The following CYP11B2 variants were observed in gnomAD, a reference collection of about 807,000 sequenced individuals.
CYP11B2 encodes the protein cytochrome P450 11B2, mitochondrial.
Under a neutral mutation model 49.3 loss-of-function variants are expected in CYP11B2, and 38 were observed. The observed-to-expected ratio is 0.77, with a 90% CI of 0.59 to 1.01. The LOEUF is 1.01. Among genes scored for constraint, CYP11B2 ranks in the 50% least tolerant of loss-of-function variants. CYP11B2 has a pLI of 0.00. For missense variants in CYP11B2, 669 were observed against 655.5 expected, an observed-to-expected ratio of 1.02 and a Z score of -0.23; for synonymous variants, 290 against 269.3, an observed-to-expected ratio of 1.08 and a Z score of -0.75.
Position 142,912,704 on chromosome 8 carries a change from G to A in CYP11B2, c.1224C>T (p.Tyr408=). ...ACAAGGCGGCATTGCGACCCAGCGA[G>A]TAGAGGAAAACCTGTACCAATGTCT... is the stretch of plus-strand genomic sequence containing the variant. The part of the protein sequence containing the change: ...PAGTLVQVFL[Y]SLGRNAALFP... The change falls in exon 8 of 9, where the codon TAC becomes TAT. Residue 408 remains tyrosine, a synonymous_variant. Transcript: ENST00000323110. 1 of 1,614,092 alleles carries A rather than the reference G, an allele frequency of 6.2e-7. No individual in the cohort carries two copies. Among genetic ancestry groups the A allele is most frequent in the Non-Finnish European group, 8.5e-7 (1 of 1,179,964 alleles).
At position 142,911,921 on chromosome 8, in the gene CYP11B2, CT is replaced by C. The variant is rs1246863389; in HGVS notation, c.*58del. 2.9e-5 allele frequency: 46 copies of C among 1,612,324 alleles called. No individual in the cohort carries two copies. The highest frequency in any genetic ancestry group is 3.6e-5 in the Non-Finnish European group (43 of 1,179,182). On this transcript the variant is annotated 3_prime_UTR_variant, in exon 9 of 9. Coordinates refer to ENST00000323110, the MANE Select transcript of CYP11B2 (RefSeq NM_000498.3). ...GCACGTGGGAGAGAAGACAGGTGGC[CT>C]GGGGTCAGGCAGAGGGAAGCTGGTG...
rs1394287094 is a variant in CYP11B2 at position 142,912,059 on chromosome 8, T to A, written c.1433A>T (p.Gln478Leu). Residue 478 changes from glutamine (Q) to leucine (L), a missense_variant, in exon 9 of 9, where the codon CAA (glutamine) becomes CTA (leucine). Gln to Leu is a moderately radical substitution (Grantham distance 113). Transcript: ENST00000323110. The stretch of plus-strand genomic sequence containing the variant: ...GCTGTAGACCATCTTTATGTCCTCT[T>A]GAGTTAGTGTCTCCACCAGGAAGTG... ...LKHFLVETLT[Q>L]EDIKMVYSFI... 1 of 1,614,004 alleles carries A rather than the reference T, an allele frequency of 6.2e-7. No individual in the cohort carries two copies. The highest frequency in any genetic ancestry group is 8.5e-7 in the Non-Finnish European group (1 of 1,179,952).
At chr8:142,917,337 TA>T in intron 1 of CYP11B2, 123 bp from the exon 2 acceptor site, 1 of 1,412,654 alleles carries the variant, frequency 7.1e-7, no homozygotes. Flanking sequence ...GCTTCACAGC[TA>T]AAGCCCTCCT....
intron 2 of CYP11B2, chr8:142,916,333 C>G (rs574671469): frequency 4.5e-6 from 2 of 446,500 alleles, no homozygotes; most frequent in Non-Finnish European, 9.0e-6. Flanking sequence ...ATAGCGTTCC[C>G]TTCCTACCAT....
chr8:142,917,468 A>C, intron 1 of CYP11B2, 134 bp downstream of exon 1: 1 of 1,611,588 alleles, frequency 6.2e-7, no homozygotes, highest in Non-Finnish European at 8.5e-7. Flanking sequence ...CATGTGCTGC[A>C]CTCCTTCCCC....
At chr8:142,917,021 C>T (rs2130334797) in intron 2 of CYP11B2, 38 bp downstream of exon 2, 1 of 1,612,284 alleles carries the variant, frequency 6.2e-7, no homozygotes. Context: ...AGGCTGCCCA[C>T]CCTGCTCCCA....
rs1481384879 is a variant in CYP11B2, at chr8:142,915,767, C to G, written c.396-522G>C. Among the ~76,000 whole-genome samples the G allele has an allele frequency of 2.7e-5, 4 of 145,546 alleles. No homozygotes were observed. The Admixed American group carries it at 2.8e-4, about 10-fold the overall frequency. On this transcript the variant is annotated intron_variant, in intron 2 of 8. Transcript: ENST00000323110. The stretch of plus-strand genomic sequence containing the variant: ...TATCTTCTGCAGGACAGAAACCAAG[C>G]TTTGTGCTTCATGCCATCCTCACCC...
rs1817618076 is a variant in CYP11B2 at position 142,915,068 on chromosome 8, G to A, written c.573C>T (p.Ser191=). The A allele has an allele frequency of 6.2e-7, 1 of 1,613,860 alleles. No homozygotes were observed. The highest frequency in any genetic ancestry group is 8.5e-7 in the Non-Finnish European group (1 of 1,179,946). ...RGSLTLDVQP[S]IFHYTIEASN... ...CACCTTCTATGGTGTAGTGGAAGAT[G>A]CTGGGCTGGACGTCCAGGGTCAGGC... Residue 191 remains serine (S), a synonymous_variant, in exon 3 of 9, where the codon AGC becomes AGT. Coordinates refer to ENST00000323110, the MANE Select transcript of CYP11B2 (RefSeq NM_000498.3).
chr8:142,914,966 C>T (rs1276542232), intron 3 of CYP11B2, 58 bp from the exon 4 acceptor site: 31 of 1,610,152 alleles, frequency 1.9e-5, no homozygotes, highest in South Asian at 5.5e-5. Context: ...GGCTGCCTCC[C>T]CACACTCCCT....
Position 142,914,687 on chromosome 8 carries a change from C to G in CYP11B2, c.799+18G>C, listed in dbSNP as rs1182806519. ...TGGTGTCCCTTCCCCATAGCACTGCCCGGGTCCCTGGCCTCACCGTACTGG... is the reference window on the plus strand; with the variant it reads ...TGGTGTCCCTTCCCCATAGCACTGCGCGGGTCCCTGGCCTCACCGTACTGG... On this transcript the variant is annotated intron_variant, in intron 4 of 8. Coordinates refer to ENST00000323110, the MANE Select transcript of CYP11B2 (RefSeq NM_000498.3). 1.3e-6 allele frequency: 2 copies of G among 1,578,006 alleles called. No individual in the cohort carries two copies. The highest frequency in any genetic ancestry group is 1.7e-6 in the Non-Finnish European group (2 of 1,162,614).
Position 142,914,277 on chromosome 8 carries a change from C to T in CYP11B2, c.941G>A (p.Gly314Glu), listed in dbSNP as rs758738493. ...TGCTGGCCTGACCGTGTCCACGCTC[C>T]CTGCAGTGAGTTCCATAGAGTTGGC... is the stretch of plus-strand genomic sequence containing the variant. ...IKANSMELTA[G>E]SVDTTAFPLL... The change falls in exon 5 of 9, where the codon GGG becomes GAG. Residue 314 changes from glycine to glutamate, a missense_variant. Gly to Glu is a moderately conservative substitution (Grantham distance 98, BLOSUM62 -2). Coordinates refer to ENST00000323110, the MANE Select transcript of CYP11B2 (RefSeq NM_000498.3). The T allele has an allele frequency of 6.2e-7, 1 of 1,614,180 alleles. No individual in the cohort carries two copies. Among genetic ancestry groups the T allele is most frequent in the South Asian group, 1.1e-5 (1 of 91,086 alleles).
In CYP11B2 at chr8:142,914,881, C is replaced by T. The variant is rs749800670; in HGVS notation, c.623G>A (p.Arg208Gln). 2.0e-5 allele frequency: 32 copies of T among 1,613,806 alleles called. No homozygotes were observed. The highest frequency in any genetic ancestry group is 1.3e-4 in the East Asian group (6 of 44,864). Residue 208 changes from arginine to glutamine, a missense_variant, in exon 4 of 9, where the codon CGG (arginine) becomes CAG (glutamine). Transcript: ENST00000323110. ...EASNLALFGERLGLVGHSPSS... is the reference protein window; with the variant it reads ...EASNLALFGEQLGLVGHSPSS... ...GGGGCTGTGGCCAACCAGGCCCAGCCGCTCTCCAAAAAGAGCTAAGTTGCT... is the reference window on the plus strand; with the variant it reads ...GGGGCTGTGGCCAACCAGGCCCAGCTGCTCTCCAAAAAGAGCTAAGTTGCT...
chr8:142,914,196 T>A, intron 5 of CYP11B2, 68 bp downstream of exon 5: 4 of 1,586,622 alleles, frequency 2.5e-6, no homozygotes, highest in South Asian at 1.1e-5. Flanking sequence ...CGTGTGGCAT[T>A]GGCAGGCAGT....
In CYP11B2 at chr8:142,913,224, C is replaced by A. The variant is rs1188201724; in HGVS notation, c.1121+61G>T. On this transcript the variant is annotated intron_variant, in intron 6 of 8. Transcript: ENST00000323110. ...GCCCCAGATTCTGTCTGCCACCACC[C>A]AGTGGGGGCTGCTCTCCAGCAGGGG... 51 of 1,563,744 alleles carry A rather than the reference C, an allele frequency of 3.3e-5. 1 individual carries two copies. In the South Asian group the frequency reaches 5.1e-4, roughly 16 times the overall value.
Position 142,912,179 on chromosome 8 carries a change from A to G in CYP11B2, c.1399-86T>C, listed in dbSNP as rs796187038. 6.3e-6 allele frequency: 10 copies of G among 1,594,728 alleles called. No homozygotes were observed. In the African/African-American group the frequency reaches 6.7e-5, roughly 11 times the overall value. ...TCCTCCCATCGTCCCAGGTGCAACA[A>G]TTATGCTGAAGGGGGAGCAGCAGCC... On this transcript the variant is annotated intron_variant, in intron 8 of 8. Coordinates refer to ENST00000323110, the MANE Select transcript of CYP11B2 (RefSeq NM_000498.3).
In CYP11B2 at chr8:142,912,579, C is replaced by T; in HGVS notation, c.1349G>A (p.Cys450Tyr). ...TGCCTCTGCCAGGCGCCGCCCGAGGCACTGGCGCATGCCAAAGCCAAAGGG... is the reference window on the plus strand; with the variant it reads ...TGCCTCTGCCAGGCGCCGCCCGAGGTACTGGCGCATGCCAAAGCCAAAGGG... ...HVPFGFGMRQ[C>Y]LGRRLAEAEM... Residue 450 changes from cysteine (C) to tyrosine (Y), a missense_variant, in exon 8 of 9, where the codon TGC becomes TAC. Transcript: ENST00000323110. 6.2e-7 allele frequency: 1 copy of T among 1,614,154 alleles called. No homozygotes were observed.
Position 142,910,853 on chromosome 8 carries a change from A to G in CYP11B2, c.*1127T>C, listed in dbSNP as rs1817520606. The G allele has an allele frequency of 1.3e-5, 2 of 152,230 alleles. No homozygotes were observed. The highest frequency in any genetic ancestry group is 4.1e-4 in the South Asian group (2 of 4,828). The allele number at this position is 152,230 out of a possible 1,614,324, so 9.4% of individuals were successfully genotyped here. A position where few individuals can be genotyped will look rare whatever the true frequency, so the allele number is the denominator to read the frequency against. Reference sequence around the variant, plus strand: ...AACGCTCTGATCCTCATCAGCTACCAGGAGCTGGCTGCTGAGATCTTTGCC... The same window carrying G: ...AACGCTCTGATCCTCATCAGCTACCGGGAGCTGGCTGCTGAGATCTTTGCC... On this transcript the variant is annotated 3_prime_UTR_variant, in exon 9 of 9. Coordinates refer to ENST00000323110, the MANE Select transcript of CYP11B2 (RefSeq NM_000498.3). The surrounding 1 kb of genome is among the most constrained non-coding windows in gnomAD (Gnocchi z 4.6).
chr8:142,912,205 TG>T (rs1817549101), intron 8 of CYP11B2, 112 bp from the exon 9 acceptor site: 17 of 1,549,298 alleles, frequency 1.1e-5, no homozygotes, highest in Non-Finnish European at 1.3e-5. Flanking sequence ...AGCAGCAGCC[TG>T]GGCCCCAACC....
chr8:142,912,665 C>T lies in CYP11B2; in HGVS notation c.1263G>A (p.Glu421=). 1 of 1,614,204 alleles carries T rather than the reference C, an allele frequency of 6.2e-7. No individual in the cohort carries two copies. Among genetic ancestry groups the T allele is most frequent in the Non-Finnish European group, 8.5e-7 (1 of 1,180,028 alleles). Residue 421 remains glutamate, a synonymous_variant, in exon 8 of 9, where the codon GAG becomes GAA. Transcript: ENST00000323110. ...CTAGCCAGCGCTGGGGATTATACCG[C>T]TCAGGCCTCGGGAACAAGGCGGCAT... The part of the protein sequence containing the change: ...GRNAALFPRP[E]RYNPQRWLDI...
Sources: allele counts gnomAD v4.1 joint callset (sites outside exome capture counted in the v4.1 genomes callset), GRCh38; gene constraint gnomAD v4.1.1; non-coding constraint Gnocchi (gnomAD v3.1); transcripts MANE v1.5; gene names NCBI Gene and HGNC (gene_info 2026-07-23, HGNC 2026-07-21).